The following USP16 variants were observed in gnomAD, a reference collection of about 807,000 sequenced individuals.
USP16 encodes the protein ubiquitin specific peptidase 16, also known as ubiquitin carboxyl-terminal hydrolase 16.
A neutral mutation model predicts 95.9 loss-of-function variants in USP16; 77 were observed. The observed-to-expected ratio is 0.80, with a 90% CI of 0.67 to 0.97. The LOEUF (loss-of-function observed/expected upper bound fraction) is 0.97, where lower values mean the gene tolerates loss of function less well. USP16 is among the 50% of genes least tolerant of loss of function. USP16 has a pLI of 0.00. For missense variants in USP16, 943 were observed against 959.9 expected, an observed-to-expected ratio of 0.98 and a Z score of 0.23; for synonymous variants, 303 against 318.2, an observed-to-expected ratio of 0.95 and a Z score of 0.51.
intron 13 of USP16, among the ~76,000 whole-genome samples, chr21:29,045,994 T>C (rs1366994260): frequency 6.6e-6 from 1 of 152,076 alleles, no homozygotes; most frequent in Non-Finnish European, 1.5e-5. Context: ...TGGCTAATTT[T>C]TGTATTTTTA....
intron 10 of USP16, among the ~76,000 whole-genome samples, chr21:29,041,097 T>C (rs2085236751): frequency 6.6e-6 from 1 of 152,180 alleles, no homozygotes; most frequent in Non-Finnish European, 1.5e-5. Flanking sequence ...ATACCTTTGC[T>C]GTTCCATATA....
rs755926892 is a variant in USP16 at position 29,039,530 on chromosome 21, C to A, written c.913C>A (p.Arg305Ser). ...YQQQDSQELL[R>S]YLLDGMRAEE... ...GCAGCAAGACAGCCAGGAGCTGCTT[C>A]GCTACTTATTGGATGGGATGAGAGC... The change falls in exon 9 of 18, where the codon CGC becomes AGC. Residue 305 changes from arginine to serine, a missense_variant. Coordinates refer to ENST00000399976, the MANE Select transcript of USP16 (RefSeq NM_006447.3). The A allele has an allele frequency of 6.2e-7, 1 of 1,613,248 alleles. No individual in the cohort carries two copies. Among genetic ancestry groups the A allele is most frequent in the Non-Finnish European group, 8.5e-7 (1 of 1,179,438 alleles).
At chr21:29,051,020 G>C (rs1324608528) in intron 16 of USP16, among the ~76,000 whole-genome samples, 1 of 152,148 alleles carries the variant, frequency 6.6e-6, no homozygotes, top group African/African-American at 2.4e-5. Flanking sequence ...GAGATAGAAG[G>C]AATATTTCAG....
intron 2 of USP16, among the ~76,000 whole-genome samples, chr21:29,029,285 C>T (rs1039425678): frequency 3.9e-5 from 6 of 152,074 alleles, no homozygotes; most frequent in African/African-American, 7.2e-5. Context: ...TGGTGGCGGG[C>T]GCCTGTAGTC....
intron 1 of USP16, 81 bp from the exon 2 acceptor site, chr21:29,027,792 G>A: frequency 1.1e-6 from 1 of 907,018 alleles, no homozygotes; most frequent in Non-Finnish European, 1.8e-6. Context: ...AATATACGTG[G>A]CTTAGTTATA....
intron 16 of USP16, 163 bp from the exon 17 acceptor site, chr21:29,053,639 C>T: frequency 1.5e-6 from 1 of 645,278 alleles, no homozygotes; most frequent in South Asian, 2.8e-5. Flanking sequence ...ACAGAAGTGT[C>T]TCAGGCTGAG....
Position 29,043,662 on chromosome 21 carries a change from G to T in USP16, c.1356+63G>T. ...TATATTTTGAGCTATTGAGTTTGTA[G>T]TCTGAATGACATTGGTTAGACATGT... On this transcript the variant is annotated intron_variant, in intron 13 of 17. Coordinates refer to ENST00000399976, the MANE Select transcript of USP16 (RefSeq NM_006447.3). The T allele has an allele frequency of 2.9e-6, 4 of 1,388,294 alleles. No homozygotes were observed. In the Admixed American group the frequency reaches 8.6e-5, roughly 30 times the overall value. 86.0% of individuals were successfully genotyped at this position (1,388,294 alleles called of 1,614,324 possible). A position where few individuals can be genotyped will look rare whatever the true frequency, so the allele number is the denominator to read the frequency against.
In USP16 at chr21:29,030,593, A is replaced by G. The variant is rs1324403175; in HGVS notation, c.62-2A>G. On this transcript the variant is annotated splice_acceptor_variant, in intron 2 of 17. Transcript: ENST00000399976. LOFTEE classifies it high-confidence loss of function. ...TTCCTTGTCTATTATTTGTTTTAATAGAACCTGTGTGCAGACACATTAGAA... is the reference window on the plus strand; with the variant it reads ...TTCCTTGTCTATTATTTGTTTTAATGGAACCTGTGTGCAGACACATTAGAA... 6.4e-7 allele frequency: 1 copy of G among 1,569,390 alleles called. No homozygotes were observed. Among genetic ancestry groups the G allele is most frequent in the Non-Finnish European group, 8.6e-7 (1 of 1,161,864 alleles).
chr21:29,048,098 T>TGTGTGTGTGTG (rs2085358235), intron 14 of USP16, among the ~76,000 whole-genome samples: 2 of 141,010 alleles, frequency 1.4e-5, no homozygotes, highest in African/African-American at 5.3e-5. Flanking sequence ...TGTGTGTGTG[T>TGTGTGTGTGTG]TTTGAGACAG....
intron 13 of USP16, among the ~76,000 whole-genome samples, chr21:29,046,438 ATGCC>A (rs1303467354): frequency 1.3e-5 from 2 of 152,126 alleles, no homozygotes; most frequent in Admixed American, 1.3e-4. Context: ...GTGAGCCGCC[ATGCC>A]CAGCCAATTT....
chr21:29,034,097 G>A (rs903019442), intron 3 of USP16, among the ~76,000 whole-genome samples: 1 of 152,216 alleles, frequency 6.6e-6, no homozygotes, highest in Admixed American at 6.5e-5. Context: ...GTTTAAGAGT[G>A]CAATTCATAA....
At chr21:29,048,427 G>A (rs2085363976) in intron 14 of USP16, among the ~76,000 whole-genome samples, 2 of 152,148 alleles carry the variant, frequency 1.3e-5, no homozygotes, top group Admixed American at 6.5e-5. Context: ...GATTTGATGT[G>A]ATGGAATATA....
At chr21:29,042,728 T>C in intron 12 of USP16, 200 bp downstream of exon 12, 1 of 501,908 alleles carries the variant, frequency 2.0e-6, no homozygotes, top group Non-Finnish European at 3.4e-6. Flanking sequence ...AAAAAGATGA[T>C]GTATTCAGAA....
chr21:29,024,912 G>A (rs2084962938), intron 1 of USP16, 135 bp downstream of exon 1: 3 of 916,860 alleles, frequency 3.3e-6, no homozygotes, highest in African/African-American at 3.5e-5. Context: ...GCTACTTTCC[G>A]GTACTGCGAT....
chr21:29,030,795 A>T, intron 3 of USP16, 22 bp downstream of exon 3: 1 of 1,578,990 alleles, frequency 6.3e-7, no homozygotes, highest in Non-Finnish European at 8.6e-7. Flanking sequence ...TTTTAAGATC[A>T]ATATGGGATT....
In USP16 at chr21:29,047,169, T is replaced by C. The variant is rs1199122066; in HGVS notation, c.1859T>C (p.Leu620Pro). 8.1e-6 allele frequency: 13 copies of C among 1,614,176 alleles called. No individual in the cohort carries two copies. The highest frequency in any genetic ancestry group is 1.1e-5 in the Non-Finnish European group (13 of 1,180,022). Residue 620 changes from leucine to proline, a missense_variant, in exon 14 of 18, where the codon CTT (leucine) becomes CCT (proline). By Grantham distance (98) the Leu-to-Pro change is moderately conservative (BLOSUM62 -3). Coordinates refer to ENST00000399976, the MANE Select transcript of USP16 (RefSeq NM_006447.3). ...NEDPETAFCTLANREVFNTDE... is the reference protein window; with the variant it reads ...NEDPETAFCTPANREVFNTDE... Reference sequence around the variant, plus strand: ...GATCCAGAAACTGCTTTCTGTACTCTTGCAAACAGGGAAGTTTTCAATACT... The same window carrying C: ...GATCCAGAAACTGCTTTCTGTACTCCTGCAAACAGGGAAGTTTTCAATACT...
At position 29,038,353 on chromosome 21, in the gene USP16, G is replaced by C; in HGVS notation, c.655G>C (p.Val219Leu). Reference sequence around the variant, plus strand: ...ATTCTAGAACTTGTCACAAACACCAGTGCTTAGAGAACTACTAAAAGAAGT... The same window carrying C: ...ATTCTAGAACTTGTCACAAACACCACTGCTTAGAGAACTACTAAAAGAAGT... ...AVMQNLSQTP[V>L]LRELLKEVKM... is the part of the protein sequence containing the mutation. Residue 219 changes from valine to leucine, a missense_variant, in exon 7 of 18, where the codon GTG (valine) becomes CTG (leucine). Val to Leu is a conservative substitution (Grantham distance 32). Coordinates refer to ENST00000399976, the MANE Select transcript of USP16 (RefSeq NM_006447.3). The C allele has an allele frequency of 6.2e-7, 1 of 1,610,104 alleles. No homozygotes were observed. The highest frequency in any genetic ancestry group is 8.5e-7 in the Non-Finnish European group (1 of 1,177,814).
At chr21:29,030,934 G>A (rs2085068266) in intron 3 of USP16, among the ~76,000 whole-genome samples, 161 bp downstream of exon 3, 1 of 152,206 alleles carries the variant, frequency 6.6e-6, no homozygotes, top group African/African-American at 2.4e-5. Context: ...GTGGTGGAGT[G>A]TTCTCTGGTA....
rs771302505 is a variant in USP16 at position 29,040,621 on chromosome 21, G to C, written c.964G>C (p.Gly322Arg). The stretch of plus-strand genomic sequence containing the variant: ...TTATTACTTTTAGAGAGTGAGTAAA[G>C]GAATACTTAAAGCATTTGGTAATTC... ...RAEEHQRVSKGILKAFGNSTE... is the reference protein window; with the variant it reads ...RAEEHQRVSKRILKAFGNSTE... Residue 322 changes from glycine to arginine, a missense_variant, in exon 10 of 18, where the codon GGA becomes CGA. By Grantham distance (125) the Gly-to-Arg change is moderately radical. Transcript: ENST00000399976. 48 of 1,510,102 alleles carry C rather than the reference G, an allele frequency of 3.2e-5. No individual in the cohort carries two copies. The highest frequency in any genetic ancestry group is 4.2e-5 in the Non-Finnish European group (46 of 1,099,562). The allele number at this position is 1,510,102 out of a possible 1,614,324, so 93.5% of individuals were successfully genotyped here.
Sources: gnomAD v4.1 joint callset for allele counts (sites outside exome capture counted in the v4.1 genomes callset) on GRCh38, gnomAD v4.1.1 for gene constraint, MANE v1.5 for transcripts, NCBI Gene and HGNC (gene_info 2026-07-23, HGNC 2026-07-21) for gene names.